The following URB1 variants were observed in gnomAD, a reference collection of about 807,000 sequenced individuals.
The protein encoded by URB1 is nucleolar pre-ribosomal-associated protein 1.
Under a neutral mutation model 242.3 loss-of-function variants are expected in URB1, and 197 were observed. The ratio of observed to expected loss-of-function variants is 0.81; its 90% CI spans 0.72 to 0.91. The LOEUF (loss-of-function observed/expected upper bound fraction) is 0.91, where lower values mean the gene tolerates loss of function less well. Among genes scored for constraint, URB1 ranks in the 40% least tolerant of loss-of-function variants. The pLI is 0.00. For synonymous variants in URB1, 1,153 were observed against 1,201.8 expected, an observed-to-expected ratio of 0.96 and a Z score of 0.84; for missense variants, 2,721 against 2,860.5, an observed-to-expected ratio of 0.95 and a Z score of 1.11.
intron 1 of URB1, among the ~76,000 whole-genome samples, chr21:32,390,969 A>T (rs1252032404): frequency 6.6e-6 from 1 of 152,208 alleles, no homozygotes; most frequent in Non-Finnish European, 1.5e-5. Flanking sequence ...AACCAACCCA[A>T]ATGTCCAACA....
At chr21:32,334,376 C>T (rs1455136164) in intron 28 of URB1, 42 bp from the exon 29 acceptor site, 1 of 1,511,300 alleles carries the variant, frequency 6.6e-7, no homozygotes, top group Admixed American at 2.1e-5. Flanking sequence ...ACAGAGCCCC[C>T]CGGGAACAGA....
At chr21:32,380,923 C>A (rs914708232) in intron 4 of URB1, among the ~76,000 whole-genome samples, 1 of 152,222 alleles carries the variant, frequency 6.6e-6, no homozygotes, top group African/African-American at 2.4e-5. Context: ...CAGAACTAGA[C>A]CTCCTGTGGG....
chr21:32,352,225 A>G lies in URB1; in HGVS notation c.2613+485T>C, dbSNP rs146089759. On this transcript the variant is annotated intron_variant, in intron 19 of 38. Transcript: ENST00000382751. ...TGCACATTGGAGCCAGAATCCCATT[A>G]AGAGAATGTAGTCCCCAGCAAAAGA... Among the ~76,000 whole-genome samples, 547 of 152,314 alleles carry G rather than the reference A, an allele frequency of 3.6e-3. 3 individuals are homozygous for G. Among genetic ancestry groups the G allele is most frequent in the Middle Eastern group, 0.027 (8 of 294 alleles).
At position 32,346,992 on chromosome 21, in the gene URB1, A is replaced by G; in HGVS notation, c.3832T>C (p.Cys1278Arg). 1.3e-6 allele frequency: 2 copies of G among 1,539,396 alleles called. No individual in the cohort carries two copies. The highest frequency in any genetic ancestry group is 1.8e-6 in the Non-Finnish European group (2 of 1,138,054). ...FLPLIHVYLQ[C>R]RTRSHFTRPA... Reference sequence around the variant, plus strand: ...CGTGTGAAGTGGCTCCGTGTCCTGCACTGGAGGTACACATGGATGAGGGGA... The same window carrying G: ...CGTGTGAAGTGGCTCCGTGTCCTGCGCTGGAGGTACACATGGATGAGGGGA... Residue 1278 changes from cysteine to arginine, a missense_variant, in exon 22 of 39, where the codon TGC becomes CGC. Coordinates refer to ENST00000382751, the MANE Select transcript of URB1 (RefSeq NM_014825.3).
At chr21:32,337,052 C>G (rs1347455821) in intron 28 of URB1, 42 bp downstream of exon 28, 16 of 1,535,584 alleles carry the variant, frequency 1.0e-5, no homozygotes, top group Non-Finnish European at 1.3e-5. Flanking sequence ...GGAGAGCAGG[C>G]TGTGACCTCA....
chr21:32,382,485 T>C (rs2033537421), intron 4 of URB1, among the ~76,000 whole-genome samples: 1 of 152,156 alleles, frequency 6.6e-6, no homozygotes, highest in Admixed American at 6.5e-5. Context: ...TACTTGGTAT[T>C]ATCAACCCTT....
chr21:32,316,575 C>T lies in URB1; in HGVS notation c.6525G>A (p.Thr2175=), dbSNP rs543664623. 1.7e-4 allele frequency: 264 copies of T among 1,551,466 alleles called. No individual in the cohort carries two copies. Among genetic ancestry groups the T allele is most frequent in the East Asian group, 9.8e-4 (40 of 40,912 alleles). Residue 2175 remains threonine, a synonymous_variant, in exon 38 of 39, where the codon ACG becomes ACA. Coordinates refer to ENST00000382751, the MANE Select transcript of URB1 (RefSeq NM_014825.3). ...GGGCAGCCACCAGCTGCAGCATGACCGTATTGAACAGGCAGGCCACCTCCT... is the reference window on the plus strand; with the variant it reads ...GGGCAGCCACCAGCTGCAGCATGACTGTATTGAACAGGCAGGCCACCTCCT... The part of the protein sequence containing the change: ...PVQEVACLFN[T]VMLQLVAAQG...
chr21:32,377,330 C>T (rs543307139), intron 5 of URB1: 2 of 506,882 alleles, frequency 3.9e-6, no homozygotes, highest in East Asian at 5.5e-5. Flanking sequence ...TGCATAAGCA[C>T]CTTAAAAGTT....
intron 8 of URB1, among the ~76,000 whole-genome samples, chr21:32,369,657 T>TTGC: frequency 6.6e-6 from 1 of 152,072 alleles, no homozygotes; most frequent in Non-Finnish European, 1.5e-5. Context: ...TGCTCATGAG[T>TTGC]TGCTGCATGG....
chr21:32,336,652 C>T (rs1349088247), intron 28 of URB1, among the ~76,000 whole-genome samples: 3 of 152,282 alleles, frequency 2.0e-5, no homozygotes, highest in East Asian at 1.9e-4. Flanking sequence ...CCTACATACA[C>T]GCATGCACAC....
At position 32,316,905 on chromosome 21, in the gene URB1, G is replaced by T; in HGVS notation, c.6195C>A (p.Tyr2065Ter). The T allele has an allele frequency of 6.4e-7, 1 of 1,551,724 alleles. No homozygotes were observed. The highest frequency in any genetic ancestry group is 8.7e-7 in the Non-Finnish European group (1 of 1,146,990). The change falls in exon 38 of 39, where the codon TAC becomes TAA. Residue 2065 changes from tyrosine (Y) to a stop codon, truncating the protein, a stop_gained. Transcript: ENST00000382751. LOFTEE classifies it high-confidence loss of function. Reference protein sequence around the residue: ...CKGLLRSILTYWRPVIPGPDP... With the variant: ...CKGLLRSILT ...CAGGACCAGGGATCACTGGTCTCCA[G>T]TAAGTCAAGATGGACCTCAGGAGGC...
chr21:32,319,119 TG>T lies in URB1; in HGVS notation c.5792+97del, dbSNP rs1381435930. The T allele has an allele frequency of 1.8e-5, 23 of 1,261,416 alleles. No individual in the cohort carries two copies. The Admixed American group carries it at 3.0e-4, about 17-fold the overall frequency. The allele number at this position is 1,261,416 out of a possible 1,614,324, so 78.1% of individuals were successfully genotyped here. On this transcript the variant is annotated intron_variant, in intron 36 of 38. Coordinates refer to ENST00000382751, the MANE Select transcript of URB1 (RefSeq NM_014825.3). ...AGCAGATCACGGCCCAGCGTCCCCC[TG>T]GTACAGAGTCATGACTGAGACATGG...
intron 15 of URB1, 71 bp downstream of exon 15, chr21:32,357,466 C>T (rs2033235257): frequency 2.3e-6 from 3 of 1,321,560 alleles, no homozygotes; most frequent in Admixed American, 3.7e-5. Flanking sequence ...TAACTGTTAA[C>T]TAAACACTTA....
intron 25 of URB1, among the ~76,000 whole-genome samples, chr21:32,340,886 T>C (rs1384535833): frequency 6.6e-6 from 1 of 152,072 alleles, no homozygotes; most frequent in African/African-American, 2.4e-5. Flanking sequence ...ATCTGGAATA[T>C]AGTCAAAAGA....
At chr21:32,384,012 A>T (rs2033554707) in intron 3 of URB1, among the ~76,000 whole-genome samples, 1 of 152,204 alleles carries the variant, frequency 6.6e-6, no homozygotes, top group Admixed American at 6.5e-5. Context: ...GCATTTTATA[A>T]CACAGGCAAG....
chr21:32,363,027 C>T, intron 11 of URB1, 129 bp downstream of exon 11: 1 of 1,224,048 alleles, frequency 8.2e-7, no homozygotes. Flanking sequence ...CGCTACCACA[C>T]TGCCCACCGG....
At position 32,382,040 on chromosome 21, in the gene URB1, T is replaced by A. The variant is rs543915386; in HGVS notation, c.567+1382A>T. 1.8e-4 allele frequency among the ~76,000 whole-genome samples: 27 copies of A among 152,164 alleles called. No individual in the cohort carries two copies. The South Asian group carries it at 5.4e-3, about 30-fold the overall frequency. ...TCCCATTTTACAGATCCTGGAGAGG[T>A]AAAATAATGTGCCCTGAGACCCTGA... is the stretch of plus-strand genomic sequence containing the variant. On this transcript the variant is annotated intron_variant, in intron 4 of 38. Transcript: ENST00000382751.
chr21:32,388,230 G>A (rs2033603203), intron 1 of URB1, among the ~76,000 whole-genome samples: 1 of 152,092 alleles, frequency 6.6e-6, no homozygotes, highest in Admixed American at 6.5e-5. Context: ...CTGAGCTCTG[G>A]GTACCTCACC....
chr21:32,322,692 C>T (rs2032782211), intron 32 of URB1, 108 bp from the exon 33 acceptor site: 1 of 807,280 alleles, frequency 1.2e-6, no homozygotes, highest in South Asian at 1.5e-5. Flanking sequence ...AATCCCCTCC[C>T]AGGAACTTTT....
Sources: gnomAD v4.1 joint callset for allele counts (sites outside exome capture counted in the v4.1 genomes callset) on GRCh38, gnomAD v4.1.1 for gene constraint, MANE v1.5 for transcripts, NCBI Gene and HGNC (gene_info 2026-07-23, HGNC 2026-07-21) for gene names.